The following NCKAP5 variants were observed in gnomAD, a reference collection of about 807,000 sequenced individuals.
NCKAP5 encodes nck-associated protein 5.
Under a neutral mutation model 167.0 loss-of-function variants are expected in NCKAP5, and 92 were observed. That is an observed-to-expected ratio of 0.55 (90% CI 0.47 to 0.66). NCKAP5 has a LOEUF of 0.66. Ranked by LOEUF, NCKAP5 falls within the 30% of genes least tolerant of loss-of-function variation. The probability of loss-of-function intolerance (pLI) is 0.00; values close to 1 mark genes in which losing one functional copy is unlikely to be tolerated. For missense variants in NCKAP5, 2,378 were observed against 2,315.0 expected, an observed-to-expected ratio of 1.03 and a Z score of -0.56; for synonymous variants, 891 against 877.4, an observed-to-expected ratio of 1.02 and a Z score of -0.27.
At chr2:132,965,487 C>G (rs1284534388) in intron 7 of NCKAP5, among the ~76,000 whole-genome samples, 1 of 152,100 alleles carries the variant, frequency 6.6e-6, no homozygotes, top group African/African-American at 2.4e-5. Flanking sequence ...ATGAAGCAAG[C>G]TGTTTTAAAA....
At position 133,446,822 on chromosome 2, in the gene NCKAP5, G is replaced by A. The variant is rs1003831830; in HGVS notation, c.69+70636C>T. Among the ~76,000 whole-genome samples the A allele has an allele frequency of 2.0e-5, 3 of 152,274 alleles. No homozygotes were observed. In the South Asian group the frequency reaches 6.2e-4, roughly 32 times the overall value. On this transcript the variant is annotated intron_variant, in intron 3 of 19. Transcript: ENST00000409261. ...GGAGAGAGGGGAGAGGCAGGAAGAA[G>A]AGGTGAGAAGTGAGGGGAAAGGGAG... is the stretch of plus-strand genomic sequence containing the variant.
intron 2 of NCKAP5, among the ~76,000 whole-genome samples, chr2:133,543,408 C>T (rs1308330845): frequency 6.6e-6 from 1 of 152,124 alleles, no homozygotes; most frequent in Non-Finnish European, 1.5e-5. Context: ...TATAGCAATG[C>T]AAAATGGACT....
intron 19 of NCKAP5, 27 bp downstream of exon 19, chr2:132,725,600 A>G: frequency 6.3e-7 from 1 of 1,596,266 alleles, no homozygotes; most frequent in Non-Finnish European, 8.5e-7. Context: ...AGGAACCTGC[A>G]GGGCCAGCAA....
At position 133,418,921 on chromosome 2, in the gene NCKAP5, A is replaced by G. The variant is rs115316777; in HGVS notation, c.69+98537T>C. ...CAGACCGAGGGCATATTGAGTCACA[A>G]TGAAAGAAAAAAAGCCTTCTACAGA... On this transcript the variant is annotated intron_variant, in intron 3 of 19. Transcript: ENST00000409261. Among the ~76,000 whole-genome samples the G allele has an allele frequency of 6.9e-3, 1,055 of 152,316 alleles. 10 individuals carry two copies. Among genetic ancestry groups the G allele is most frequent in the South Asian group, 0.014 (66 of 4,822 alleles).
At chr2:132,727,057 A>G (rs774442463) in intron 18 of NCKAP5, among the ~76,000 whole-genome samples, 25 of 152,036 alleles carry the variant, frequency 1.6e-4, no homozygotes, top group Non-Finnish European at 3.7e-4. Context: ...AACGTTCCCT[A>G]TCTGGCAGTC....
intron 19 of NCKAP5, among the ~76,000 whole-genome samples, chr2:132,674,139 C>A (rs1684112785): frequency 6.6e-6 from 1 of 152,146 alleles, no homozygotes; most frequent in South Asian, 2.1e-4. Context: ...AAAGTGTCTA[C>A]AATATTTCTC....
intron 6 of NCKAP5, among the ~76,000 whole-genome samples, chr2:133,038,875 T>C (rs1023384136): frequency 6.6e-6 from 1 of 152,174 alleles, no homozygotes; most frequent in Non-Finnish European, 1.5e-5. Flanking sequence ...GGGCATGACA[T>C]GTTTTTTCTA....
At chr2:132,822,851 T>C (rs1351665314) in intron 11 of NCKAP5, among the ~76,000 whole-genome samples, 1 of 151,858 alleles carries the variant, frequency 6.6e-6, no homozygotes, top group Non-Finnish European at 1.5e-5. Flanking sequence ...ATAGATATCA[T>C]AAAGAAAAAC....
chr2:132,696,929 C>T (rs1171534693), intron 19 of NCKAP5, among the ~76,000 whole-genome samples: 1 of 152,132 alleles, frequency 6.6e-6, no homozygotes, highest in South Asian at 2.1e-4. Flanking sequence ...ACTCTGTCAC[C>T]CAGGCTGGAG....
At chr2:133,660,313 C>A in the NCKAP5 span, among the ~76,000 whole-genome samples, 1 of 152,104 alleles carries the variant, frequency 6.6e-6, no homozygotes, top group Non-Finnish European at 1.5e-5. Context: ...TTTATGTAGA[C>A]TGAATTTATC....
chr2:132,794,202 C>T (rs992105539), intron 12 of NCKAP5, among the ~76,000 whole-genome samples: 1 of 118,258 alleles, frequency 8.5e-6, no homozygotes, highest in Non-Finnish European at 1.7e-5. Context: ...GGTGTTGCTA[C>T]TATTATTAAA....
the NCKAP5 span, among the ~76,000 whole-genome samples, chr2:133,665,864 T>C: frequency 6.6e-6 from 1 of 152,376 alleles, no homozygotes; most frequent in South Asian, 2.1e-4. Flanking sequence ...TATTTCATCT[T>C]ATGAATATAG....
At chr2:133,388,138 G>T (rs1282420657) in intron 3 of NCKAP5, among the ~76,000 whole-genome samples, 1 of 152,056 alleles carries the variant, frequency 6.6e-6, no homozygotes, top group Non-Finnish European at 1.5e-5. Context: ...AGAATTTTCA[G>T]ATTTTCTGTT....
chr2:133,239,558 T>C (rs553521528), intron 4 of NCKAP5, among the ~76,000 whole-genome samples: 3 of 152,184 alleles, frequency 2.0e-5, no homozygotes, highest in Non-Finnish European at 2.9e-5. Context: ...TCAAGGTATT[T>C]GACTGTACCA....
At chr2:133,178,428 C>T (rs773334565) in intron 5 of NCKAP5, among the ~76,000 whole-genome samples, 8 of 140,296 alleles carry the variant, frequency 5.7e-5, no homozygotes, top group Non-Finnish European at 1.2e-4. Context: ...TTGCCTGAAC[C>T]CGGGAAGTGG....
intron 6 of NCKAP5, among the ~76,000 whole-genome samples, chr2:133,035,367 A>G (rs1163588152): frequency 1.3e-5 from 2 of 152,060 alleles, no homozygotes; most frequent in Admixed American, 6.5e-5. Flanking sequence ...ACAGGAAGTC[A>G]ACAAGAGAAC....
intron 8 of NCKAP5, among the ~76,000 whole-genome samples, chr2:132,932,763 G>C (rs1325786876): frequency 6.6e-6 from 1 of 152,036 alleles, no homozygotes; most frequent in African/African-American, 2.4e-5. Context: ...AAAAAACAAG[G>C]TCATGCAACC....
At chr2:132,974,231 C>T (rs2076913366) in intron 7 of NCKAP5, among the ~76,000 whole-genome samples, 1 of 152,192 alleles carries the variant, frequency 6.6e-6, no homozygotes, top group Admixed American at 6.5e-5. Flanking sequence ...GAAGTTAAAA[C>T]AGAACTTGTT....
At chr2:132,777,874 C>T (rs1307565040) in intron 15 of NCKAP5, among the ~76,000 whole-genome samples, 1 of 151,756 alleles carries the variant, frequency 6.6e-6, no homozygotes, top group East Asian at 1.9e-4. Context: ...GACTATGTGA[C>T]ACTGGGTAAA....
Sources: allele counts gnomAD v4.1 joint callset (sites outside exome capture counted in the v4.1 genomes callset), GRCh38; gene constraint gnomAD v4.1.1; transcripts MANE v1.5; gene names NCBI Gene and HGNC (gene_info 2026-07-23, HGNC 2026-07-21).